Variants in USP6NL observed in about 807,000 individuals in gnomAD.
USP6NL encodes the protein USP6 N-terminal like, also known as USP6 N-terminal-like protein.
A neutral mutation model predicts 61.9 loss-of-function variants in USP6NL; 26 were observed. The observed-to-expected ratio is 0.42, with a 90% CI of 0.31 to 0.58. The LOEUF is 0.58. Among genes scored for constraint, USP6NL ranks in the 20% least tolerant of loss-of-function variants. The pLI, the probability that USP6NL is intolerant of heterozygous loss-of-function variation, is 0.16. For missense variants in USP6NL, 1,114 were observed against 1,034.3 expected, an observed-to-expected ratio of 1.08 and a Z score of -1.06; for synonymous variants, 432 against 390.1, an observed-to-expected ratio of 1.11 and a Z score of -1.27.
chr10:11,601,081 A>T (rs1838511414), intron 1 of USP6NL, among the ~76,000 whole-genome samples: 1 of 152,230 alleles, frequency 6.6e-6, no homozygotes, highest in Non-Finnish European at 1.5e-5. Flanking sequence ...CAGCAATGCT[A>T]TTCATAATAG....
rs746777248 is a variant in USP6NL, at chr10:11,462,774, C to A, written c.2154G>T (p.Lys718Asn). The A allele has an allele frequency of 2.5e-6, 4 of 1,613,908 alleles. No homozygotes were observed. The highest frequency in any genetic ancestry group is 3.3e-5 in the Admixed American group (2 of 60,010). ...CTGGTGGAATGATCAATTTTCCATT[C>A]TTTGGTGACCCTGAATTGCCCGAAT... ...GGYSGNSGSPKNGKLIIPPVD... is the reference protein window; with the variant it reads ...GGYSGNSGSPNNGKLIIPPVD... The change falls in exon 15 of 15, where the codon AAG becomes AAT. Residue 718 changes from lysine to asparagine, a missense_variant. Coordinates refer to ENST00000609104, the MANE Select transcript of USP6NL (RefSeq NM_014688.5).
chr10:11,535,886 A>C (rs1217711164), intron 2 of USP6NL, among the ~76,000 whole-genome samples: 1 of 152,228 alleles, frequency 6.6e-6, no homozygotes, highest in Non-Finnish European at 1.5e-5. Flanking sequence ...AGATATATTA[A>C]GAATAAAGAT....
intron 13 of USP6NL, among the ~76,000 whole-genome samples, chr10:11,483,176 C>G (rs61847860): frequency 0.22 from 34,070 of 152,022 alleles, 4,422 homozygotes; most frequent in East Asian, 0.59. Flanking sequence ...GGAGACGGAA[C>G]TTCACGTAAG....
intron 6 of USP6NL, among the ~76,000 whole-genome samples, 154 bp downstream of exon 6, chr10:11,509,440 TA>T (rs1247181327): frequency 9.2e-5 from 14 of 152,192 alleles, no homozygotes; most frequent in African/African-American, 3.1e-4. Context: ...ACTTACAATA[TA>T]AAAACTCCTA....
intron 2 of USP6NL, among the ~76,000 whole-genome samples, chr10:11,539,203 C>T (rs1835953759): frequency 6.6e-6 from 1 of 152,192 alleles, no homozygotes; most frequent in East Asian, 1.9e-4. Flanking sequence ...CTCTAATGGG[C>T]TCTCCATGCA....
rs535612272 is a variant in USP6NL, at chr10:11,605,609, T to C, written c.-84+5834A>G. Among the ~76,000 whole-genome samples, 10 of 152,190 alleles carry C rather than the reference T, an allele frequency of 6.6e-5. No homozygotes were observed. In the East Asian group the frequency reaches 9.6e-4, roughly 15 times the overall value. ...TGCTTACTGCATCCACAGAAATATA[T>C]GCAAAATCTAAAACTTTTGATAGGG... On this transcript the variant is annotated intron_variant, in intron 1 of 14. Transcript: ENST00000609104.
chr10:11,565,607 A>T (rs1591934640), intron 2 of USP6NL: 1 of 151,418 alleles, frequency 6.6e-6, no homozygotes, highest in African/African-American at 2.4e-5. Context: ...GCGCCACTGC[A>T]CTCCAGCCTG....
chr10:11,460,945 A>T lies in USP6NL; in HGVS notation c.*1496T>A, dbSNP rs1339519471. 1 of 152,184 alleles carries T rather than the reference A, an allele frequency of 6.6e-6. No homozygotes were observed. The highest frequency in any genetic ancestry group is 1.5e-5 in the Non-Finnish European group (1 of 68,026). The allele number at this position is 152,184 out of a possible 1,614,324, so 9.4% of individuals were successfully genotyped here. A position where few individuals can be genotyped will look rare whatever the true frequency, so the allele number is the denominator to read the frequency against. ...ATTTAATAACATCATTACCAAGTTG[A>T]TCAAAATTACATTAGACTCATTATA... On this transcript the variant is annotated 3_prime_UTR_variant, in exon 15 of 15. Transcript: ENST00000609104.
chr10:11,477,449 C>A (rs1425085550), intron 14 of USP6NL, among the ~76,000 whole-genome samples: 2 of 152,068 alleles, frequency 1.3e-5, no homozygotes, highest in African/African-American at 4.8e-5. Flanking sequence ...GACCAAATGA[C>A]CCACATTGAC....
rs1392468788 is a variant in USP6NL, at chr10:11,540,364, A to G, written c.5-12797T>C. On this transcript the variant is annotated intron_variant, in intron 2 of 14. Coordinates refer to ENST00000609104, the MANE Select transcript of USP6NL (RefSeq NM_014688.5). The surrounding 1 kb of genome is among the most constrained non-coding windows in gnomAD (Gnocchi z 5.0). Reference sequence around the variant, plus strand: ...TGGAAACATGTAAAAATTTGACACAATAATCATCAAATGACACTGAACTTT... The same window carrying G: ...TGGAAACATGTAAAAATTTGACACAGTAATCATCAAATGACACTGAACTTT... Among the ~76,000 whole-genome samples, 1 of 152,226 alleles carries G rather than the reference A, an allele frequency of 6.6e-6. No homozygotes were observed. The highest frequency in any genetic ancestry group is 1.5e-5 in the Non-Finnish European group (1 of 68,040).
rs1165913538 is a variant in USP6NL at position 11,529,221 on chromosome 10, T to C, written c.5-1654A>G. 2.6e-5 allele frequency among the ~76,000 whole-genome samples: 4 copies of C among 152,118 alleles called. No homozygotes were observed. In the East Asian group the frequency reaches 7.7e-4, roughly 29 times the overall value. ...CATTAGTAACTAAAGAAATCCAAGT[T>C]TCAAAATATCACTTTGCACCTATTC... On this transcript the variant is annotated intron_variant, in intron 2 of 14. Coordinates refer to ENST00000609104, the MANE Select transcript of USP6NL (RefSeq NM_014688.5).
At chr10:11,503,853 A>C (rs895324153) in intron 6 of USP6NL, among the ~76,000 whole-genome samples, 1 of 152,202 alleles carries the variant, frequency 6.6e-6, no homozygotes, top group African/African-American at 2.4e-5. Context: ...TAACTTGCCC[A>C]AAAGCAAGCA....
chr10:11,481,048 G>A lies in USP6NL; in HGVS notation c.1078+722C>T, dbSNP rs541599708. Among the ~76,000 whole-genome samples the A allele has an allele frequency of 6.8e-4, 103 of 151,878 alleles. No homozygotes were observed. The highest frequency in any genetic ancestry group is 1.3e-3 in the Non-Finnish European group (85 of 67,978). On this transcript the variant is annotated intron_variant, in intron 14 of 14. Coordinates refer to ENST00000609104, the MANE Select transcript of USP6NL (RefSeq NM_014688.5). The surrounding 1 kb of genome is among the most constrained non-coding windows in gnomAD (Gnocchi z 4.4). The stretch of plus-strand genomic sequence containing the variant: ...TCTGCTCCTCTCCCATTTACCCTGC[G>A]GCTAGCTCTAGTAATGCCCCATTCA...
chr10:11,579,075 G>A (rs558491053), intron 2 of USP6NL, among the ~76,000 whole-genome samples: 14 of 152,292 alleles, frequency 9.2e-5, no homozygotes, highest in African/African-American at 3.4e-4. Flanking sequence ...TGAAGATCCT[G>A]TAAGTAATAC....
At chr10:11,588,111 T>C (rs1006970023) in intron 2 of USP6NL, among the ~76,000 whole-genome samples, 21 of 152,228 alleles carry the variant, frequency 1.4e-4, no homozygotes, top group Non-Finnish European at 2.1e-4. Context: ...ATCTGAGGAA[T>C]AGTCTATAAA....
At chr10:11,560,714 T>TATATATA (rs138095176) in intron 2 of USP6NL, among the ~76,000 whole-genome samples, 2 of 141,326 alleles carry the variant, frequency 1.4e-5, no homozygotes, top group African/African-American at 2.6e-5. Context: ...TATATATATA[T>TATATATA]TATATATATA....
chr10:11,463,163 G>C lies in USP6NL; in HGVS notation c.1765C>G (p.His589Asp). ...HALYPPSPRK[H>D]AEPSSSPSKV... ...GATGGACTAGAACTTGGCTCAGCGT[G>C]CTTTCTCGGGCTAGGAGGGTAAAGG... Residue 589 changes from histidine (H) to aspartate (D), a missense_variant, in exon 15 of 15, where the codon CAC becomes GAC. Physicochemically the swap from His to Asp is moderately conservative, Grantham distance 81. Transcript: ENST00000609104. This position sits in a 1 kb window ranked among gnomAD's most constrained non-coding sequence, Gnocchi z 6.3. The C allele has an allele frequency of 6.2e-7, 1 of 1,613,854 alleles. No individual in the cohort carries two copies. The highest frequency in any genetic ancestry group is 8.5e-7 in the Non-Finnish European group (1 of 1,179,880).
In USP6NL at chr10:11,553,676, T is replaced by C. The variant is rs189660656; in HGVS notation, c.5-26109A>G. 4.1e-4 allele frequency among the ~76,000 whole-genome samples: 62 copies of C among 152,158 alleles called. No homozygotes were observed. Among genetic ancestry groups the C allele is most frequent in the Non-Finnish European group, 2.6e-4 (18 of 67,986 alleles). On this transcript the variant is annotated intron_variant, in intron 2 of 14. Coordinates refer to ENST00000609104, the MANE Select transcript of USP6NL (RefSeq NM_014688.5). This position sits in a 1 kb window ranked among gnomAD's most constrained non-coding sequence, Gnocchi z 4.8. ...TTGGAAGGCTGAGGTGGGTGGATTA[T>C]CTGAGGTCAGGAGTTAAGAGACCAG...
At chr10:11,606,305 G>A (rs1247669632) in intron 1 of USP6NL, among the ~76,000 whole-genome samples, 1 of 152,056 alleles carries the variant, frequency 6.6e-6, no homozygotes, top group Non-Finnish European at 1.5e-5. Context: ...AAACAAACAA[G>A]TTAGAAAACT....
Sources: allele counts gnomAD v4.1 joint callset (sites outside exome capture counted in the v4.1 genomes callset), GRCh38; gene constraint gnomAD v4.1.1; non-coding constraint Gnocchi (gnomAD v3.1); transcripts MANE v1.5; gene names NCBI Gene and HGNC (gene_info 2026-07-23, HGNC 2026-07-21).